The following TXNDC11 variants were observed in gnomAD, a reference collection of about 807,000 sequenced individuals.
TXNDC11 encodes the protein thioredoxin domain-containing protein 11.
Under a neutral mutation model 78.0 loss-of-function variants are expected in TXNDC11, and 68 were observed. That is an observed-to-expected ratio of 0.87 (90% CI 0.72 to 1.07). The LOEUF is 1.07. Among genes scored for constraint, TXNDC11 ranks in the 50% least tolerant of loss-of-function variants. The pLI is 0.00. For missense variants in TXNDC11, 1,389 were observed against 1,221.8 expected (o/e 1.14, Z -2.04); for synonymous variants, 571 against 495.2 (o/e 1.15, Z -2.03).
intron 5 of TXNDC11, among the ~76,000 whole-genome samples, chr16:11,713,306 C>A (rs917339892): frequency 2.0e-5 from 3 of 151,168 alleles, no homozygotes; most frequent in African/African-American, 7.3e-5. Context: ...GAAAAGAAAT[C>A]ATAATGGAAA....
At chr16:11,732,319 C>T (rs2052079860) in intron 3 of TXNDC11, among the ~76,000 whole-genome samples, 1 of 152,132 alleles carries the variant, frequency 6.6e-6, no homozygotes, top group South Asian at 2.1e-4. Context: ...GTTATGTCCA[C>T]CTCTGAGCAG....
chr16:11,713,511 G>C (rs950760519), intron 5 of TXNDC11, among the ~76,000 whole-genome samples: 20 of 152,100 alleles, frequency 1.3e-4, no homozygotes, highest in African/African-American at 4.3e-4. Context: ...CCACCTCCCA[G>C]GTTCAAGAGA....
chr16:11,708,150 T>G (rs915686700), intron 5 of TXNDC11, among the ~76,000 whole-genome samples: 1 of 152,172 alleles, frequency 6.6e-6, no homozygotes. Flanking sequence ...TTCCATTAGA[T>G]TATGCCAGAG....
intron 4 of TXNDC11, among the ~76,000 whole-genome samples, chr16:11,724,894 C>T (rs1167586570): frequency 2.6e-5 from 4 of 152,056 alleles, no homozygotes; most frequent in Admixed American, 6.5e-5. Flanking sequence ...TACAGGCGCC[C>T]GCCACCACAT....
At chr16:11,703,834 G>A (rs1305821188) in intron 5 of TXNDC11, 11 of 658,236 alleles carry the variant, frequency 1.7e-5, no homozygotes, top group Admixed American at 1.1e-4. Flanking sequence ...GCTCACGCCT[G>A]TAATCCCAGC....
Position 11,736,132 on chromosome 16 carries a change from T to C in TXNDC11, c.356A>G (p.Glu119Gly), listed in dbSNP as rs755514954. The change falls in exon 2 of 12, where the codon GAG becomes GGG. Residue 119 changes from glutamate to glycine, a missense_variant. Physicochemically the swap from Glu to Gly is moderately conservative, Grantham distance 98. Transcript: ENST00000283033. ...DLFQGQLDYA[E>G]YVRRDSEVVL... ...CACCTCTGAATCCCGTCGAACGTAC[T>C]CTGCATAATCCAGCTGCCCCTGGAA... The C allele has an allele frequency of 1.9e-6, 3 of 1,614,186 alleles. No individual in the cohort carries two copies. The highest frequency in any genetic ancestry group is 2.5e-6 in the Non-Finnish European group (3 of 1,180,008).
At chr16:11,736,334 A>T in intron 1 of TXNDC11, 101 bp from the exon 2 acceptor site, 1 of 994,720 alleles carries the variant, frequency 1.0e-6, no homozygotes, top group Non-Finnish European at 1.5e-6. Context: ...CCTCTTTTGA[A>T]TAAGAAAATG....
intron 7 of TXNDC11, among the ~76,000 whole-genome samples, chr16:11,697,491 C>CT (rs1199581709): frequency 6.6e-6 from 1 of 152,234 alleles, no homozygotes; most frequent in Non-Finnish European, 1.5e-5. Context: ...CCTGCTGTCT[C>CT]TGAGCGCCTC....
rs145476632 is a variant in TXNDC11, at chr16:11,702,688, A to G, written c.794-2124T>C. ...GTGAGACTCTGCCTCCAAAGTAAAT[A>G]AATAAATTTTTTTTTAAAAAACAGT... On this transcript the variant is annotated intron_variant, in intron 5 of 11. Transcript: ENST00000283033. Among the ~76,000 whole-genome samples, 21 of 152,302 alleles carry G rather than the reference A, an allele frequency of 1.4e-4. No individual in the cohort carries two copies. In the East Asian group the frequency reaches 4.0e-3, roughly 29 times the overall value.
At chr16:11,707,402 T>G (rs1012707900) in intron 5 of TXNDC11, among the ~76,000 whole-genome samples, 1 of 151,952 alleles carries the variant, frequency 6.6e-6, no homozygotes, top group African/African-American at 2.4e-5. Flanking sequence ...TTGAAATAAT[T>G]TGGATACACT....
In TXNDC11 at chr16:11,742,807, C is replaced by G. The variant is rs2052451546; in HGVS notation, c.-77G>C. 2 of 1,381,350 alleles carry G rather than the reference C, an allele frequency of 1.4e-6. No individual in the cohort carries two copies. The highest frequency in any genetic ancestry group is 1.5e-5 in the African/African-American group (1 of 66,452). The allele number at this position is 1,381,350 out of a possible 1,614,324, so 85.6% of individuals were successfully genotyped here. On this transcript the variant is annotated 5_prime_UTR_variant, in exon 1 of 12. Coordinates refer to ENST00000283033, the MANE Select transcript of TXNDC11 (RefSeq NM_015914.7). ...AGGCCCGGCCCGGCCCGTTGCTCCC[C>G]AATCCCGCAGCTCGCCGCACCCGCT...
chr16:11,717,422 G>C (rs529977306), intron 5 of TXNDC11, among the ~76,000 whole-genome samples: 1 of 105,772 alleles, frequency 9.5e-6, no homozygotes, highest in South Asian at 3.3e-4. Flanking sequence ...GCAAAAGAGC[G>C]AGACTCCAAA....
rs761789104 is a variant in TXNDC11, at chr16:11,700,529, T to C, written c.829A>G (p.Asn277Asp). 3.1e-6 allele frequency: 5 copies of C among 1,607,698 alleles called. No individual in the cohort carries two copies. In the East Asian group the frequency reaches 1.1e-4, roughly 36 times the overall value. The change falls in exon 6 of 12, where the codon AAT becomes GAT. Residue 277 changes from asparagine (N) to aspartate (D), a missense_variant. Transcript: ENST00000283033. ...LGTVRFGVIT[N>D]KHLAKLVSLV... ...GATACCAGTTTCGCAAGATGTTTATTTGTGATAACCCCAAATCGTACTGTT... is the reference window on the plus strand; with the variant it reads ...GATACCAGTTTCGCAAGATGTTTATCTGTGATAACCCCAAATCGTACTGTT...
intron 10 of TXNDC11, among the ~76,000 whole-genome samples, chr16:11,685,954 T>C (rs528657053): frequency 3.3e-5 from 5 of 152,310 alleles, no homozygotes; most frequent in African/African-American, 1.2e-4. Context: ...AGGCTTGGTC[T>C]ATATGCTTAC....
Position 11,742,688 on chromosome 16 carries a change from C to CGCT in TXNDC11, c.40_42dup (p.Ser14dup), listed in dbSNP as rs545400656. On this transcript the variant is annotated inframe_insertion, in exon 1 of 12. Coordinates refer to ENST00000283033, the MANE Select transcript of TXNDC11 (RefSeq NM_015914.7). Reference sequence around the variant, plus strand: ...CCCCCTCCCTCGTCCTCGGCGTCCTCGCTGCTGCTGCTGCCGCCGCCGCGG... The same window carrying CGCT: ...CCCCCTCCCTCGTCCTCGGCGTCCTCGCTGCTGCTGCTGCTGCCGCCGCCGCGG... The CGCT allele has an allele frequency of 7.2e-5, 107 of 1,477,952 alleles. No individual in the cohort carries two copies. The highest frequency in any genetic ancestry group is 7.1e-4 in the South Asian group (55 of 77,188). 91.6% of individuals were successfully genotyped at this position (1,477,952 alleles called of 1,614,324 possible).
chr16:11,705,317 C>T (rs569089326), intron 5 of TXNDC11, among the ~76,000 whole-genome samples: 3 of 152,274 alleles, frequency 2.0e-5, no homozygotes, highest in Admixed American at 6.5e-5. Context: ...ATTTTTGCAA[C>T]TTTTCTCTAA....
In TXNDC11 at chr16:11,691,804, C is replaced by T. The variant is rs1419320270; in HGVS notation, c.1386G>A (p.Gln462=). The T allele has an allele frequency of 2.5e-6, 4 of 1,614,266 alleles. No individual in the cohort carries two copies. The East Asian group carries it at 6.7e-5, about 27-fold the overall frequency. The change falls in exon 8 of 12, where the codon CAG becomes CAA. Residue 462 remains glutamine (Q), a synonymous_variant. Coordinates refer to ENST00000283033, the MANE Select transcript of TXNDC11 (RefSeq NM_015914.7). ...GMKPSSVSVP[Q]CSFFEMAAAL... Reference sequence around the variant, plus strand: ...CTGCTGCCATTTCAAAAAAGCTGCACTGTGGCACGCTGACCGAGCTCGGCT... The same window carrying T: ...CTGCTGCCATTTCAAAAAAGCTGCATTGTGGCACGCTGACCGAGCTCGGCT...
At chr16:11,729,803 T>A (rs2051990521) in intron 4 of TXNDC11, among the ~76,000 whole-genome samples, 1 of 152,164 alleles carries the variant, frequency 6.6e-6, no homozygotes, top group South Asian at 2.1e-4. Context: ...GCATTAAAGA[T>A]CCTACAGGGC....
chr16:11,711,330 G>A (rs1567325360), intron 5 of TXNDC11, among the ~76,000 whole-genome samples: 1 of 152,142 alleles, frequency 6.6e-6, no homozygotes, highest in Non-Finnish European at 1.5e-5. Context: ...ACAAATAATG[G>A]CAGACACACA....
Sources: allele counts gnomAD v4.1 joint callset (sites outside exome capture counted in the v4.1 genomes callset), GRCh38; gene constraint gnomAD v4.1.1; transcripts MANE v1.5; gene names NCBI Gene and HGNC (gene_info 2026-07-23, HGNC 2026-07-21).